The following TMEM184B variants were observed in gnomAD, a reference collection of about 807,000 sequenced individuals.
TMEM184B encodes putative MAPK-activating protein FM08.
A neutral mutation model predicts 41.8 loss-of-function variants in TMEM184B; 17 were observed. The observed-to-expected ratio is 0.41, with a 90% CI of 0.28 to 0.61. The LOEUF (loss-of-function observed/expected upper bound fraction) is 0.61. TMEM184B is among the 20% of genes least tolerant of loss of function. TMEM184B has a pLI of 0.34. For synonymous variants in TMEM184B, 240 were observed against 229.5 expected (o/e 1.05, Z -0.41); for missense variants, 393 against 557.8 (o/e 0.70, Z 2.98).
At chr22:38,249,490 G>A (rs1237549638) in intron 1 of TMEM184B, among the ~76,000 whole-genome samples, 1 of 152,132 alleles carries the variant, frequency 6.6e-6, no homozygotes, top group Non-Finnish European at 1.5e-5. Context: ...AGATCGTGAG[G>A]TGCCTCACAG....
intron 5 of TMEM184B, among the ~76,000 whole-genome samples, chr22:38,229,346 C>T (rs1480002798): frequency 2.0e-5 from 3 of 152,362 alleles, no homozygotes; most frequent in East Asian, 1.9e-4. Context: ...TCCACCACGC[C>T]GGGCTGAAAG....
chr22:38,217,006 G>A (rs1208869507), downstream of TMEM184B, among the ~76,000 whole-genome samples: 2 of 151,618 alleles, frequency 1.3e-5, no homozygotes, highest in South Asian at 2.1e-4. Flanking sequence ...AACATAGCAA[G>A]ACCCCCATCT....
intron 3 of TMEM184B, among the ~76,000 whole-genome samples, chr22:38,235,511 CTCAGT>C (rs2091751362): frequency 6.6e-6 from 1 of 152,250 alleles, no homozygotes; most frequent in Non-Finnish European, 1.5e-5. Flanking sequence ...CATCATCCCT[CTCAGT>C]TCAAGATTCT....
At chr22:38,246,157 G>A (rs2092025617) in intron 2 of TMEM184B, 57 bp from the exon 3 acceptor site, 1 of 1,576,640 alleles carries the variant, frequency 6.3e-7, no homozygotes, top group South Asian at 1.1e-5. Flanking sequence ...GGACGGGAGG[G>A]CAGGTGGGCT....
chr22:38,222,701 G>A, intron 8 of TMEM184B: 1 of 985,754 alleles, frequency 1.0e-6, no homozygotes, highest in Non-Finnish European at 1.2e-6. Context: ...CAGGGCAAGG[G>A]GGGCGGGGAG....
At chr22:38,240,196 ATT>A (rs1487843089) in intron 3 of TMEM184B, among the ~76,000 whole-genome samples, 1 of 152,138 alleles carries the variant, frequency 6.6e-6, no homozygotes, top group African/African-American at 2.4e-5. Flanking sequence ...GAAGAAAGGA[ATT>A]CAAGAGATAG....
chr22:38,270,871 C>A (rs2092511881), intron 1 of TMEM184B, among the ~76,000 whole-genome samples: 1 of 152,188 alleles, frequency 6.6e-6, no homozygotes, highest in African/African-American at 2.4e-5. Context: ...GGCAGGCCAG[C>A]CAGAGACCAG....
rs940256922 is a variant in TMEM184B, at chr22:38,256,349, G to C, written c.-58-8330C>G. On this transcript the variant is annotated intron_variant, in intron 1 of 8. Transcript: ENST00000361906. ...CTGCCTCAGCCTCCCAAGTAGCTGG[G>C]ATTACAGGCACCCACCACCATGCCT... Among the ~76,000 whole-genome samples the C allele has an allele frequency of 2.6e-5, 4 of 151,946 alleles. No homozygotes were observed. The East Asian group carries it at 5.8e-4, about 22-fold the overall frequency.
chr22:38,272,869 G>T lies in TMEM184B; in HGVS notation c.-59+15C>A. ...CCCCTTGGGGCTCCCGGGCGAGGCC[G>T]GCCAGGCGGGATACCTCAGGAGCCC... On this transcript the variant is annotated intron_variant, in intron 1 of 8. Coordinates refer to ENST00000361906, the MANE Select transcript of TMEM184B (RefSeq NM_012264.5). The T allele has an allele frequency of 1.1e-6, 1 of 931,372 alleles. No individual in the cohort carries two copies. The highest frequency in any genetic ancestry group is 1.8e-5 in the African/African-American group (1 of 56,312). 57.7% of individuals were successfully genotyped at this position (931,372 alleles called of 1,614,324 possible). A position where few individuals can be genotyped will look rare whatever the true frequency, so the allele number is the denominator to read the frequency against.
chr22:38,272,854 C>T, intron 1 of TMEM184B, 30 bp downstream of exon 1: 1 of 964,608 alleles, frequency 1.0e-6, no homozygotes, highest in South Asian at 4.9e-5. Flanking sequence ...CCCCTTGGGG[C>T]TCCCGGGCGA....
At position 38,225,066 on chromosome 22, in the gene TMEM184B, A is replaced by C; in HGVS notation, c.788-87T>G. On this transcript the variant is annotated intron_variant, in intron 7 of 8. Coordinates refer to ENST00000361906, the MANE Select transcript of TMEM184B (RefSeq NM_012264.5). This position sits in a 1 kb window ranked among gnomAD's most constrained non-coding sequence, Gnocchi z 4.4. ...CACAATGCCCCATTCAGCTGCCCAC[A>C]TGCCCCAGTGAGGATGTGAGCAGGG... is the stretch of plus-strand genomic sequence containing the variant. 8 of 1,385,756 alleles carry C rather than the reference A, an allele frequency of 5.8e-6. No individual in the cohort carries two copies. Among genetic ancestry groups the C allele is most frequent in the Non-Finnish European group, 7.7e-6 (8 of 1,037,998 alleles). The allele number at this position is 1,385,756 out of a possible 1,614,324, so 85.8% of individuals were successfully genotyped here.
At chr22:38,259,235 A>G (rs562389119) in intron 1 of TMEM184B, among the ~76,000 whole-genome samples, 1 of 152,322 alleles carries the variant, frequency 6.6e-6, no homozygotes, top group South Asian at 2.1e-4. Flanking sequence ...TTTGAGGGAC[A>G]CCTTACTGCT....
chr22:38,245,828 G>T, intron 3 of TMEM184B, 107 bp downstream of exon 3: 1 of 1,154,800 alleles, frequency 8.7e-7, no homozygotes, highest in East Asian at 2.6e-5. Flanking sequence ...GCAGCAAGGG[G>T]TGTGTCAAGA....
At chr22:38,245,027 A>T (rs1469433456) in intron 3 of TMEM184B, among the ~76,000 whole-genome samples, 3 of 152,210 alleles carry the variant, frequency 2.0e-5, no homozygotes, top group Non-Finnish European at 4.4e-5. Context: ...GGAGCAGGTG[A>T]TGTCTCCACT....
chr22:38,228,139 G>A (rs1227759816), intron 5 of TMEM184B, among the ~76,000 whole-genome samples: 2 of 152,154 alleles, frequency 1.3e-5, no homozygotes, highest in African/African-American at 4.8e-5. Context: ...CATACGGAGA[G>A]GCCCGCGTGA....
At chr22:38,231,449 A>C (rs540628314) in intron 3 of TMEM184B, 115 bp from the exon 4 acceptor site, 1 of 880,024 alleles carries the variant, frequency 1.1e-6, no homozygotes, top group East Asian at 2.4e-5. Context: ...GGCAACAGGG[A>C]GGAGGCTGGG....
downstream of TMEM184B, among the ~76,000 whole-genome samples, chr22:38,217,279 T>C (rs536008219): frequency 1.4e-5 from 2 of 145,908 alleles, no homozygotes; most frequent in Admixed American, 6.8e-5. Flanking sequence ...GGTCAGGAGA[T>C]CGAGACCATC....
At chr22:38,244,433 G>A (rs1471393184) in intron 3 of TMEM184B, among the ~76,000 whole-genome samples, 3 of 151,892 alleles carry the variant, frequency 2.0e-5, no homozygotes, top group Non-Finnish European at 4.4e-5. Flanking sequence ...CACACTCTGA[G>A]AATAGCATGG....
At chr22:38,262,007 T>C (rs2092376048) in intron 1 of TMEM184B, among the ~76,000 whole-genome samples, 1 of 152,250 alleles carries the variant, frequency 6.6e-6, no homozygotes, top group African/African-American at 2.4e-5. Flanking sequence ...CCGAAGAGGC[T>C]GGACATAACC....
Sources: gnomAD v4.1 joint callset for allele counts (sites outside exome capture counted in the v4.1 genomes callset) on GRCh38, gnomAD v4.1.1 for gene constraint, Gnocchi (gnomAD v3.1) non-coding constraint, MANE v1.5 for transcripts, NCBI Gene and HGNC (gene_info 2026-07-23, HGNC 2026-07-21) for gene names.